LIN52: variants seen among roughly 807,000 people sequenced by gnomAD.
LIN52 encodes the protein lin-52 DREAM MuvB core complex component.
A neutral mutation model predicts 18.5 loss-of-function variants in LIN52; 4 were observed. That is an observed-to-expected ratio of 0.22 (90% CI 0.11 to 0.49). The LOEUF (loss-of-function observed/expected upper bound fraction) is 0.49, where lower values mean the gene tolerates loss of function less well. Ranked by LOEUF, LIN52 falls within the 20% of genes least tolerant of loss-of-function variation. The pLI is 0.97. For synonymous variants in LIN52, 34 were observed against 45.5 expected (o/e 0.75, Z 1.02); for missense variants, 102 against 139.5 (o/e 0.73, Z 1.35).
At chr14:74,088,986 G>A (rs1203757743) in intron 1 of LIN52, among the ~76,000 whole-genome samples, 2 of 152,174 alleles carry the variant, frequency 1.3e-5, no homozygotes, top group Non-Finnish European at 2.9e-5. Context: ...TTAGCTGGGA[G>A]GAACTTTAAG....
At chr14:74,175,242 C>T (rs2061287747) in intron 5 of LIN52, among the ~76,000 whole-genome samples, 1 of 151,878 alleles carries the variant, frequency 6.6e-6, no homozygotes, top group Non-Finnish European at 1.5e-5. Context: ...CCTTAGCTTA[C>T]TGTAGCTTTT....
intron 4 of LIN52, among the ~76,000 whole-genome samples, chr14:74,098,106 C>A (rs529617530): frequency 6.6e-6 from 1 of 152,162 alleles, no homozygotes; most frequent in Non-Finnish European, 1.5e-5. Context: ...TAATGTGAAC[C>A]TGATTTTGTA....
At chr14:74,171,105 C>T (rs1406033963) in intron 5 of LIN52, among the ~76,000 whole-genome samples, 1 of 151,762 alleles carries the variant, frequency 6.6e-6, no homozygotes, top group Non-Finnish European at 1.5e-5. Context: ...AGGTACTGGC[C>T]AGGCATAGTG....
chr14:74,123,310 A>G (rs867324188), intron 5 of LIN52, among the ~76,000 whole-genome samples: 31 of 152,240 alleles, frequency 2.0e-4, no homozygotes, highest in African/African-American at 6.8e-4. Context: ...GATGGGTTCT[A>G]TAAATCCTAG....
chr14:74,120,289 T>A (rs547399481), intron 5 of LIN52, among the ~76,000 whole-genome samples: 1 of 152,116 alleles, frequency 6.6e-6, no homozygotes, highest in Non-Finnish European at 1.5e-5. Context: ...AAGAGTTTTT[T>A]CCCCCAACTT....
In LIN52 at chr14:74,200,559, C is replaced by T. The variant is rs1410352482; in HGVS notation, c.*1582C>T. 1 of 151,798 alleles carries T rather than the reference C, an allele frequency of 6.6e-6. No homozygotes were observed. The highest frequency in any genetic ancestry group is 1.5e-5 in the Non-Finnish European group (1 of 67,996). The allele number at this position is 151,798 out of a possible 1,614,324, so 9.4% of individuals were successfully genotyped here. A position where few individuals can be genotyped will look rare whatever the true frequency, so the allele number is the denominator to read the frequency against. On this transcript the variant is annotated 3_prime_UTR_variant, in exon 6 of 6. Transcript: ENST00000555028. The stretch of plus-strand genomic sequence containing the variant: ...TCAGTTTAACAGCTGATCCATTAAA[C>T]CTTTTCTGACATTTGTGCCTTGTTC...
intron 5 of LIN52, among the ~76,000 whole-genome samples, chr14:74,166,531 C>T (rs1000666450): frequency 4.6e-5 from 7 of 152,158 alleles, no homozygotes; most frequent in Non-Finnish European, 1.0e-4. Context: ...TAAATTAAAA[C>T]GTTATTGCTC....
intron 5 of LIN52, among the ~76,000 whole-genome samples, chr14:74,189,880 T>C (rs1030904893): frequency 6.6e-6 from 1 of 152,218 alleles, no homozygotes; most frequent in African/African-American, 2.4e-5. Context: ...ACCTGCACAT[T>C]GAGTCCTGGC....
chr14:74,158,406 C>T (rs1007605382), intron 5 of LIN52, among the ~76,000 whole-genome samples: 12 of 152,068 alleles, frequency 7.9e-5, no homozygotes, highest in Admixed American at 2.6e-4. Context: ...AGCCACCGTG[C>T]GTGGCCCGCC....
chr14:74,149,428 A>G (rs771447537), intron 5 of LIN52, among the ~76,000 whole-genome samples: 3 of 152,084 alleles, frequency 2.0e-5, no homozygotes, highest in Non-Finnish European at 4.4e-5. Flanking sequence ...TTTTGCCTTT[A>G]AGTTGAGACA....
At chr14:74,101,267 G>A (rs111771040) in intron 5 of LIN52, 29 bp downstream of exon 5, 2 of 1,538,258 alleles carry the variant, frequency 1.3e-6, no homozygotes, top group Non-Finnish European at 8.8e-7. Flanking sequence ...TTTGTTCAGG[G>A]GTGTATTCCA....
chr14:74,097,676 C>T (rs563962891), intron 3 of LIN52, 118 bp from the exon 4 acceptor site: 1 of 673,246 alleles, frequency 1.5e-6, no homozygotes, highest in East Asian at 2.9e-5. Context: ...CTCCTGACCT[C>T]AAGTAATCCG....
At chr14:74,092,987 T>C (rs1286782748) in intron 2 of LIN52, among the ~76,000 whole-genome samples, 2 of 151,694 alleles carry the variant, frequency 1.3e-5, no homozygotes, top group East Asian at 2.0e-4. Context: ...GTCTTGCTCA[T>C]GTCGCTCAGG....
intron 5 of LIN52, among the ~76,000 whole-genome samples, chr14:74,150,459 A>G (rs2061171760): frequency 1.3e-5 from 2 of 152,204 alleles, no homozygotes; most frequent in South Asian, 2.1e-4. Flanking sequence ...TTTCATTTCT[A>G]TAAAGTTCAG....
intron 5 of LIN52, among the ~76,000 whole-genome samples, chr14:74,113,657 G>A (rs2060944506): frequency 6.6e-6 from 1 of 152,210 alleles, no homozygotes; most frequent in Non-Finnish European, 1.5e-5. Flanking sequence ...GTAGTAGGGA[G>A]CATGTGAAAT....
At chr14:74,154,543 A>G (rs2061191249) in intron 5 of LIN52, among the ~76,000 whole-genome samples, 1 of 152,226 alleles carries the variant, frequency 6.6e-6, no homozygotes, top group African/African-American at 2.4e-5. Flanking sequence ...GTAAGAGTCT[A>G]GGTTATATGA....
chr14:74,149,706 T>C (rs116525052), intron 5 of LIN52, among the ~76,000 whole-genome samples: 1,576 of 152,316 alleles, frequency 0.01, 32 homozygotes, highest in African/African-American at 0.036. Context: ...TAGCTTATAG[T>C]TGAAATATAT....
At chr14:74,188,637 A>C (rs2139592847) in intron 5 of LIN52, among the ~76,000 whole-genome samples, 1 of 151,462 alleles carries the variant, frequency 6.6e-6, no homozygotes, top group Non-Finnish European at 1.5e-5. Flanking sequence ...CATTTCTTTC[A>C]TCTCTGCCTG....
At chr14:74,172,167 A>T (rs1332510054) in intron 5 of LIN52, among the ~76,000 whole-genome samples, 2 of 152,150 alleles carry the variant, frequency 1.3e-5, no homozygotes, top group Non-Finnish European at 2.9e-5. Flanking sequence ...CTGTGCTCCT[A>T]CATTCTTCTG....
Sources: allele counts gnomAD v4.1 joint callset (sites outside exome capture counted in the v4.1 genomes callset), GRCh38; gene constraint gnomAD v4.1.1; transcripts MANE v1.5; gene names NCBI Gene and HGNC (gene_info 2026-07-23, HGNC 2026-07-21).